GLYR1: variants seen among roughly 807,000 people sequenced by gnomAD.
GLYR1 encodes the protein glyoxylate reductase 1 homolog, also known as cytokine-like nuclear factor N-PAC.
GLYR1 carries 21 observed loss-of-function variants against 72.7 expected under a neutral mutation model. The observed-to-expected ratio is 0.29, with a 90% CI of 0.20 to 0.42. GLYR1 has a LOEUF of 0.42. GLYR1 is among the 10% of genes least tolerant of loss of function. GLYR1 has a pLI of 1.00. For synonymous variants in GLYR1, 392 were observed against 270.2 expected (o/e 1.45, Z -4.42); for missense variants, 594 against 712.1 (o/e 0.83, Z 1.89).
rs1259928299 is a variant in GLYR1, at chr16:4,846,769, G to A, written c.38+459C>T. ...CTTCGCGGGGCAACGCCAGCAGTCC[G>A]GTTTAGACAACCCCGGCTGAGCCGG... is the stretch of plus-strand genomic sequence containing the variant. On this transcript the variant is annotated intron_variant, in intron 1 of 15. Transcript: ENST00000321919. 2.5e-5 allele frequency: 6 copies of A among 244,144 alleles called. No individual in the cohort carries two copies. In the East Asian group the frequency reaches 6.7e-4, roughly 27 times the overall value. The allele number at this position is 244,144 out of a possible 1,614,324, so 15.1% of individuals were successfully genotyped here. A position where few individuals can be genotyped will look rare whatever the true frequency, so the allele number is the denominator to read the frequency against.
intron 3 of GLYR1, chr16:4,843,414 C>G (rs889290724): frequency 8.7e-7 from 1 of 1,152,980 alleles, no homozygotes; most frequent in African/African-American, 1.6e-5. Context: ...CTTGGCCTCC[C>G]AAAGTACTGG....
intron 13 of GLYR1, 30 bp from the exon 14 acceptor site, chr16:4,811,832 C>G: frequency 6.3e-7 from 1 of 1,595,378 alleles, no homozygotes; most frequent in East Asian, 2.3e-5. Context: ...ACGGTCACAG[C>G]CCAAGAATGC....
chr16:4,815,712 T>C (rs1220591361), intron 10 of GLYR1, among the ~76,000 whole-genome samples: 1 of 152,196 alleles, frequency 6.6e-6, no homozygotes. Context: ...ATTTAAAAAC[T>C]ACAAATAAGT....
In GLYR1 at chr16:4,818,959, C is replaced by T. The variant is rs1480998897; in HGVS notation, c.807-1262G>A. 1.1e-4 allele frequency among the ~76,000 whole-genome samples: 16 copies of T among 152,256 alleles called. No individual in the cohort carries two copies. In the South Asian group the frequency reaches 2.9e-3, roughly 28 times the overall value. ...CTCCTCCACACACATTCACATACTCCGCCTGCTCCTTCCTGCAACCCTGAG... is the reference window on the plus strand; with the variant it reads ...CTCCTCCACACACATTCACATACTCTGCCTGCTCCTTCCTGCAACCCTGAG... On this transcript the variant is annotated intron_variant, in intron 9 of 15. Coordinates refer to ENST00000321919, the MANE Select transcript of GLYR1 (RefSeq NM_032569.4).
chr16:4,822,804 C>A, intron 7 of GLYR1, 71 bp downstream of exon 7: 2 of 1,316,234 alleles, frequency 1.5e-6, no homozygotes, highest in South Asian at 1.2e-5. Flanking sequence ...GATGGCCAGG[C>A]CAGGACCCAG....
intron 5 of GLYR1, among the ~76,000 whole-genome samples, chr16:4,828,079 T>C (rs2084523338): frequency 6.6e-6 from 1 of 151,758 alleles, no homozygotes; most frequent in Non-Finnish European, 1.5e-5. Flanking sequence ...TATATATATA[T>C]ATTTTTTTGA....
In GLYR1 at chr16:4,847,267, T is replaced by A; in HGVS notation, c.-2A>T. On this transcript the variant is annotated 5_prime_UTR_variant, in exon 1 of 16. The change creates a new upstream start codon in the 5' untranslated region. Transcript: ENST00000321919. ...GAGCCGCAGACTCACAGCCGCCATC[T>A]TACCACCCAACCACCGCCGACGCAC... 1 of 1,610,162 alleles carries A rather than the reference T, an allele frequency of 6.2e-7. No homozygotes were observed. Among genetic ancestry groups the A allele is most frequent in the Non-Finnish European group, 8.5e-7 (1 of 1,178,990 alleles).
intron 2 of GLYR1, 92 bp downstream of exon 2, chr16:4,846,082 C>T (rs2086020184): frequency 7.1e-7 from 1 of 1,405,680 alleles, no homozygotes; most frequent in Non-Finnish European, 1.0e-6. Context: ...CCCAATTTAA[C>T]TCAATACTAG....
chr16:4,841,441 C>A (rs550385866), intron 3 of GLYR1, among the ~76,000 whole-genome samples: 53 of 95,728 alleles, frequency 5.5e-4, no homozygotes, highest in African/African-American at 2.2e-3. Context: ...GGAAACATGG[C>A]GAGAACTTGT....
Position 4,832,123 on chromosome 16 carries a change from C to G in GLYR1, c.393G>C (p.Leu131=), listed in dbSNP as rs2084839162. The change falls in exon 5 of 16, where the codon CTG becomes CTC. Residue 131 remains leucine, a synonymous_variant. Transcript: ENST00000321919. ...TGTTCTTCTTCACCTTCCCTTCAGA[C>G]AGGCTAAGTTTGCGCTTCTCATCAC... The part of the protein sequence containing the change: ...NSGDEKRKLS[L]SEGKVKKNMG... 6.2e-7 allele frequency: 1 copy of G among 1,614,204 alleles called. No homozygotes were observed. Among genetic ancestry groups the G allele is most frequent in the Non-Finnish European group, 8.5e-7 (1 of 1,180,030 alleles).
chr16:4,809,716 C>G (rs1409345672), intron 15 of GLYR1, among the ~76,000 whole-genome samples: 2 of 150,872 alleles, frequency 1.3e-5, no homozygotes, highest in Admixed American at 1.3e-4. Context: ...CTGAGGTCAG[C>G]AGTTCAAGCC....
chr16:4,812,312 A>C lies in GLYR1; in HGVS notation c.1120-64T>G, dbSNP rs1450862051. 3.9e-6 allele frequency: 6 copies of C among 1,543,194 alleles called. No homozygotes were observed. The South Asian group carries it at 4.9e-5, about 13-fold the overall frequency. ...TCCCAGCGCTCTCTGGGCAGGACTC[A>C]AGGAGTGTTGCTGAGTGGCCACGGC... On this transcript the variant is annotated intron_variant, in intron 12 of 15. Coordinates refer to ENST00000321919, the MANE Select transcript of GLYR1 (RefSeq NM_032569.4).
intron 9 of GLYR1, among the ~76,000 whole-genome samples, chr16:4,819,156 T>C (rs922917995): frequency 6.6e-6 from 1 of 152,128 alleles, no homozygotes; most frequent in East Asian, 1.9e-4. Context: ...CTTGTTTTTA[T>C]AGTTTTTAAT....
intron 3 of GLYR1, among the ~76,000 whole-genome samples, chr16:4,844,230 T>C (rs1370595600): frequency 2.0e-5 from 3 of 152,216 alleles, no homozygotes; most frequent in Non-Finnish European, 2.9e-5. Context: ...GTTCTTCACG[T>C]TCTTCCCGTC....
chr16:4,838,230 A>T (rs1406551239), intron 3 of GLYR1, among the ~76,000 whole-genome samples: 1 of 152,298 alleles, frequency 6.6e-6, no homozygotes, highest in South Asian at 2.1e-4. Flanking sequence ...CTATGCTTCT[A>T]ATTATTAACC....
In GLYR1 at chr16:4,813,771, G is replaced by A; in HGVS notation, c.1085C>T (p.Thr362Ile). The A allele has an allele frequency of 6.2e-7, 1 of 1,612,118 alleles. No homozygotes were observed. The highest frequency in any genetic ancestry group is 1.1e-5 in the South Asian group (1 of 90,506). ...RPGKCYVDMS[T>I]VDADTVTELA... ...CTCAGTGACGGTGTCAGCGTCCACT[G>A]TTGACATGTCCACGTAGCACTTCCC... The change falls in exon 12 of 16, where the codon ACA becomes ATA. Residue 362 changes from threonine to isoleucine, a missense_variant. By Grantham distance (89) the Thr-to-Ile change is moderately conservative. Coordinates refer to ENST00000321919, the MANE Select transcript of GLYR1 (RefSeq NM_032569.4).
Position 4,832,151 on chromosome 16 carries a change from G to A in GLYR1, c.365C>T (p.Ser122Leu). The A allele has an allele frequency of 6.2e-7, 1 of 1,614,142 alleles. No homozygotes were observed. Among genetic ancestry groups the A allele is most frequent in the Non-Finnish European group, 8.5e-7 (1 of 1,180,032 alleles). Reference protein sequence around the residue: ...NSSEERSRPNSGDEKRKLSLS... With the variant: ...NSSEERSRPNLGDEKRKLSLS... ...GCTAAGTTTGCGCTTCTCATCACCT[G>A]AGTTTGGCCTACTTCTCTCCTCACT... Residue 122 changes from serine to leucine, a missense_variant, in exon 5 of 16, where the codon TCA becomes TTA. Physicochemically the swap from Ser to Leu is moderately radical, Grantham distance 145. Transcript: ENST00000321919.
At position 4,814,658 on chromosome 16, in the gene GLYR1, C is replaced by A. The variant is rs368848838; in HGVS notation, c.907-11G>T. The A allele has an allele frequency of 1.9e-5, 30 of 1,599,388 alleles. No homozygotes were observed. In the African/African-American group the frequency reaches 3.4e-4, roughly 18 times the overall value. On this transcript the variant is annotated splice_polypyrimidine_tract_variant and intron_variant, in intron 10 of 15. Coordinates refer to ENST00000321919, the MANE Select transcript of GLYR1 (RefSeq NM_032569.4). ...GATGAACAAATCACACTGCAAAAGT[C>A]ACAGATCCTAACGTGAGCTGCAGGC...
At chr16:4,831,912 A>C in intron 5 of GLYR1, 67 bp downstream of exon 5, 64 of 1,555,990 alleles carry the variant, frequency 4.1e-5, no homozygotes, top group Non-Finnish European at 5.0e-5. Flanking sequence ...AGCATACTGT[A>C]GAGCTTAACT....
Sources: gnomAD v4.1 joint callset for allele counts (sites outside exome capture counted in the v4.1 genomes callset) on GRCh38, gnomAD v4.1.1 for gene constraint, MANE v1.5 for transcripts, NCBI Gene and HGNC (gene_info 2026-07-23, HGNC 2026-07-21) for gene names.